TNNI3K: variants seen among roughly 807,000 people sequenced by gnomAD.
TNNI3K encodes the protein serine/threonine-protein kinase TNNI3K.
In TNNI3K, 140 loss-of-function variants were observed where a neutral mutation model predicts 114.5. The observed-to-expected ratio is 1.22, with a 90% CI of 1.07 to 1.41. The LOEUF (loss-of-function observed/expected upper bound fraction) is 1.41, where lower values mean the gene tolerates loss of function less well. TNNI3K is among the 40% of genes most tolerant of loss of function. TNNI3K has a pLI of 0.00. For missense variants in TNNI3K, 1,125 were observed against 1,007.6 expected, an observed-to-expected ratio of 1.12 and a Z score of -1.58; for synonymous variants, 347 against 347.5, an observed-to-expected ratio of 1.00 and a Z score of 0.02.
chr1:74,473,453 A>G (rs1668035601), intron 21 of TNNI3K, among the ~76,000 whole-genome samples: 1 of 152,112 alleles, frequency 6.6e-6, no homozygotes, highest in Non-Finnish European at 1.5e-5. Context: ...TTTTTATTCC[A>G]TGAGAAAAAA....
At chr1:74,367,040 T>A (rs893812693) in intron 11 of TNNI3K, among the ~76,000 whole-genome samples, 4 of 151,972 alleles carry the variant, frequency 2.6e-5, no homozygotes, top group African/African-American at 7.2e-5. Flanking sequence ...CAGTACCCAT[T>A]CCCAGTAGAG....
At chr1:74,347,198 T>A (rs770314313) in intron 9 of TNNI3K, among the ~76,000 whole-genome samples, 7 of 130,112 alleles carry the variant, frequency 5.4e-5, no homozygotes, top group Non-Finnish European at 9.4e-5. Context: ...CCCCTTCGTG[T>A]GTCCATGTGT....
chr1:74,287,483 A>G (rs891463759), intron 5 of TNNI3K, among the ~76,000 whole-genome samples: 1 of 152,196 alleles, frequency 6.6e-6, no homozygotes, highest in African/African-American at 2.4e-5. Flanking sequence ...CTCATCACAT[A>G]TATAAGGGTA....
chr1:74,465,363 G>T lies in TNNI3K; in HGVS notation c.2121+1813G>T, dbSNP rs182338108. Reference sequence around the variant, plus strand: ...TGCAGGCCCCATACTTGGAGTGGCCGGTGGGCGCCACTCCAGGCACTGAGG... The same window carrying T: ...TGCAGGCCCCATACTTGGAGTGGCCTGTGGGCGCCACTCCAGGCACTGAGG... On this transcript the variant is annotated intron_variant, in intron 21 of 24. Transcript: ENST00000326637. Among the ~76,000 whole-genome samples the T allele has an allele frequency of 5.7e-4, 87 of 152,328 alleles. 1 individual carries two copies. Among genetic ancestry groups the T allele is most frequent in the African/African-American group, 1.7e-3 (72 of 41,576 alleles).
At chr1:74,494,485 A>G (rs901985317) in intron 23 of TNNI3K, among the ~76,000 whole-genome samples, 14 of 152,192 alleles carry the variant, frequency 9.2e-5, no homozygotes, top group Non-Finnish European at 2.1e-4. Flanking sequence ...AGTCTCTTGT[A>G]TAATTTCAAA....
At chr1:74,448,401 G>T (rs61776254) in intron 20 of TNNI3K, among the ~76,000 whole-genome samples, 1 of 147,130 alleles carries the variant, frequency 6.8e-6, no homozygotes, top group African/African-American at 2.6e-5. Flanking sequence ...CAATCATGTC[G>T]TCTGCAAACA....
At chr1:74,441,263 C>T (rs1666362895) in intron 20 of TNNI3K, among the ~76,000 whole-genome samples, 1 of 152,076 alleles carries the variant, frequency 6.6e-6, no homozygotes, top group African/African-American at 2.4e-5. Context: ...CACCTCCAGC[C>T]CTTGGCAACC....
intron 17 of TNNI3K, among the ~76,000 whole-genome samples, chr1:74,392,786 G>T (rs186877182): frequency 1.4e-4 from 21 of 152,238 alleles, no homozygotes; most frequent in African/African-American, 5.1e-4. Context: ...TTTTTGAAAC[G>T]AATGAATGAA....
chr1:74,248,454 G>C (rs1452198326), intron 2 of TNNI3K, among the ~76,000 whole-genome samples: 1 of 152,206 alleles, frequency 6.6e-6, no homozygotes, highest in South Asian at 2.1e-4. Context: ...CTAGCACGTT[G>C]TCACCTCTCA....
intron 11 of TNNI3K, 57 bp downstream of exon 11, chr1:74,354,186 A>T (rs1309160304): frequency 1.3e-6 from 2 of 1,593,918 alleles, no homozygotes; most frequent in East Asian, 4.5e-5. Flanking sequence ...TGCATAGATT[A>T]TGTCAGTGCA....
rs184977449 is a variant in TNNI3K at position 74,347,229 on chromosome 1, C to G, written c.932+4050C>G. ...TGTGTTCTCATTGTTCAATTCCCACCTATGAGTGAGAACATGCAGTGTTTG... is the reference window on the plus strand; with the variant it reads ...TGTGTTCTCATTGTTCAATTCCCACGTATGAGTGAGAACATGCAGTGTTTG... On this transcript the variant is annotated intron_variant, in intron 9 of 24. Coordinates refer to ENST00000326637, the MANE Select transcript of TNNI3K (RefSeq NM_015978.3). Among the ~76,000 whole-genome samples the G allele has an allele frequency of 1.3e-3, 197 of 147,320 alleles. 6 individuals carry two copies. Among genetic ancestry groups the G allele is most frequent in the Non-Finnish European group, 1.4e-3 (91 of 67,322 alleles).
Position 74,408,768 on chromosome 1 carries a change from A to T in TNNI3K, c.1773-27312A>T, listed in dbSNP as rs996372843. ...TCCCTGCTTCAAATCCAAATGCAAC[A>T]TGGTAATGTATTGTCAGAATCCTTC... On this transcript the variant is annotated intron_variant, in intron 17 of 24. Coordinates refer to ENST00000326637, the MANE Select transcript of TNNI3K (RefSeq NM_015978.3). 3.3e-5 allele frequency among the ~76,000 whole-genome samples: 5 copies of T among 152,188 alleles called. No individual in the cohort carries two copies. In the East Asian group the frequency reaches 9.6e-4, roughly 29 times the overall value.
At chr1:74,346,384 C>T (rs1451542074) in intron 9 of TNNI3K, among the ~76,000 whole-genome samples, 1 of 152,076 alleles carries the variant, frequency 6.6e-6, no homozygotes, top group Non-Finnish European at 1.5e-5. Flanking sequence ...TTTGATTGTC[C>T]TGCAGAATAT....
intron 23 of TNNI3K, among the ~76,000 whole-genome samples, chr1:74,531,248 A>G (rs1039569432): frequency 5.2e-5 from 8 of 152,384 alleles, no homozygotes; most frequent in African/African-American, 1.4e-4. Context: ...ATTTGTTTCA[A>G]TTTAGGACAT....
At chr1:74,480,180 C>A in intron 21 of TNNI3K, 1 of 717,292 alleles carries the variant, frequency 1.4e-6, no homozygotes, top group South Asian at 1.5e-5. Context: ...GTCAGCAGGG[C>A]CACATCTGGT....
At chr1:74,424,390 G>A (rs948704303) in intron 17 of TNNI3K, among the ~76,000 whole-genome samples, 1 of 152,022 alleles carries the variant, frequency 6.6e-6, no homozygotes, top group African/African-American at 2.4e-5. Context: ...AGATGTAGAA[G>A]CAGAAAACCC....
chr1:74,491,766 A>G (rs747091039), intron 22 of TNNI3K, among the ~76,000 whole-genome samples: 1 of 152,238 alleles, frequency 6.6e-6, no homozygotes, highest in Admixed American at 6.5e-5. Context: ...TCTTATTGCC[A>G]TAGTGAAGAA....
At chr1:74,454,423 G>T (rs1367323194) in intron 20 of TNNI3K, among the ~76,000 whole-genome samples, 1 of 151,930 alleles carries the variant, frequency 6.6e-6, no homozygotes, top group Non-Finnish European at 1.5e-5. Flanking sequence ...CTATCTCCAT[G>T]AGTTCATTTT....
intron 23 of TNNI3K, among the ~76,000 whole-genome samples, chr1:74,499,618 A>G (rs1474644852): frequency 1.3e-5 from 2 of 152,156 alleles, no homozygotes; most frequent in East Asian, 3.8e-4. Context: ...GGGTCTTGGA[A>G]TATATCCCTG....
Sources: allele counts gnomAD v4.1 joint callset (sites outside exome capture counted in the v4.1 genomes callset), GRCh38; gene constraint gnomAD v4.1.1; transcripts MANE v1.5; gene names NCBI Gene and HGNC (gene_info 2026-07-23, HGNC 2026-07-21).